Variants in CDH13 observed in about 807,000 individuals in gnomAD.
The protein encoded by CDH13 is cadherin-13.
Under a neutral mutation model 63.8 loss-of-function variants are expected in CDH13, and 24 were observed. The ratio of observed to expected loss-of-function variants is 0.38; its 90% CI spans 0.27 to 0.53. CDH13 has a LOEUF of 0.53. Ranked by LOEUF, CDH13 falls within the 20% of genes least tolerant of loss-of-function variation. The pLI, the probability that CDH13 is intolerant of heterozygous loss-of-function variation, is 0.85. For missense variants in CDH13, 1,049 were observed against 903.1 expected (o/e 1.16, Z -2.07); for synonymous variants, 503 against 355.3 (o/e 1.42, Z -4.67).
intron 7 of CDH13, among the ~76,000 whole-genome samples, chr16:83,585,938 A>G (rs1287776518): frequency 1.3e-5 from 2 of 152,198 alleles, no homozygotes; most frequent in African/African-American, 4.8e-5. Context: ...TTTCTATCCC[A>G]GTGCCACCAC....
At chr16:82,678,025 G>A (rs1250605328) in intron 1 of CDH13, among the ~76,000 whole-genome samples, 1 of 152,112 alleles carries the variant, frequency 6.6e-6, no homozygotes, top group Non-Finnish European at 1.5e-5. Flanking sequence ...GGTCAGAATA[G>A]TAAGAAGCAT....
chr16:83,006,408 C>A (rs1913499235), intron 2 of CDH13, among the ~76,000 whole-genome samples: 1 of 152,182 alleles, frequency 6.6e-6, no homozygotes, highest in Admixed American at 6.5e-5. Context: ...AACTTACTTT[C>A]CCCCAGAATA....
intron 1 of CDH13, among the ~76,000 whole-genome samples, chr16:82,730,152 A>T (rs1597423987): frequency 6.6e-6 from 1 of 152,166 alleles, no homozygotes; most frequent in African/African-American, 2.4e-5. Context: ...TTTTCACTGG[A>T]ATGGCACTTT....
intron 2 of CDH13, among the ~76,000 whole-genome samples, chr16:82,876,800 C>T (rs779035597): frequency 4.6e-5 from 7 of 152,174 alleles, no homozygotes; most frequent in Non-Finnish European, 1.0e-4. Flanking sequence ...AAACTAGGGA[C>T]TGTAAACAAA....
At chr16:83,029,350 A>T (rs1916095594) in intron 2 of CDH13, among the ~76,000 whole-genome samples, 1 of 152,226 alleles carries the variant, frequency 6.6e-6, no homozygotes, top group African/African-American at 2.4e-5. Context: ...TTACCAAAAG[A>T]TGTACACAAG....
chr16:83,572,175 G>GGT (rs71148844), intron 7 of CDH13, among the ~76,000 whole-genome samples: 17,732 of 145,522 alleles, frequency 0.12, 1,103 homozygotes, highest in Admixed American at 0.19. Flanking sequence ...ACTTTCCTGT[G>GGT]GTGTGTGTGT....
chr16:82,974,379 C>T (rs951012686), intron 2 of CDH13, among the ~76,000 whole-genome samples: 2 of 152,108 alleles, frequency 1.3e-5, no homozygotes, highest in Non-Finnish European at 2.9e-5. Context: ...TCTCTGGTTC[C>T]CAACACCCTG....
chr16:83,727,804 A>C (rs966657110), intron 10 of CDH13, among the ~76,000 whole-genome samples: 2 of 152,102 alleles, frequency 1.3e-5, no homozygotes, highest in Non-Finnish European at 2.9e-5. Flanking sequence ...CTGGCTGACA[A>C]CTTTGCTCAC....
intron 2 of CDH13, among the ~76,000 whole-genome samples, chr16:82,883,121 T>C (rs992750227): frequency 6.6e-6 from 1 of 152,196 alleles, no homozygotes; most frequent in African/African-American, 2.4e-5. Context: ...TTTCACACCA[T>C]TAAATTCAGA....
intron 5 of CDH13, among the ~76,000 whole-genome samples, chr16:83,284,781 A>G (rs2089267301): frequency 6.6e-6 from 1 of 152,158 alleles, no homozygotes; most frequent in African/African-American, 2.4e-5. Context: ...TTAATATAAT[A>G]CAAAATACTA....
Position 83,471,382 on chromosome 16 carries a change from C to T in CDH13, c.782-15095C>T, listed in dbSNP as rs796207108. On this transcript the variant is annotated intron_variant, in intron 6 of 13. Coordinates refer to ENST00000567109, the MANE Select transcript of CDH13 (RefSeq NM_001257.5). ...CTCCACCCTCCGGGTTCAAATGATTCTCCTTCCTCAGCCTCCTGAGTAGCT... is the reference window on the plus strand; with the variant it reads ...CTCCACCCTCCGGGTTCAAATGATTTTCCTTCCTCAGCCTCCTGAGTAGCT... Among the ~76,000 whole-genome samples, 16 of 146,832 alleles carry T rather than the reference C, an allele frequency of 1.1e-4. 1 individual carries two copies. Among genetic ancestry groups the T allele is most frequent in the African/African-American group, 3.8e-4 (15 of 39,808 alleles).
chr16:83,293,170 C>A (rs999485140), intron 5 of CDH13, among the ~76,000 whole-genome samples: 1 of 152,092 alleles, frequency 6.6e-6, no homozygotes, highest in Admixed American at 6.6e-5. Context: ...CTTTTATGAG[C>A]GGTCTTTGCA....
chr16:82,757,527 C>G (rs552291602), intron 1 of CDH13, among the ~76,000 whole-genome samples: 1 of 152,196 alleles, frequency 6.6e-6, no homozygotes, highest in Non-Finnish European at 1.5e-5. Flanking sequence ...CAGAGGGCTT[C>G]CGGAACACCT....
intron 2 of CDH13, among the ~76,000 whole-genome samples, chr16:82,986,064 G>A (rs1007198378): frequency 2.0e-5 from 3 of 152,120 alleles, no homozygotes; most frequent in African/African-American, 7.2e-5. Context: ...CCTGTCTCAC[G>A]TACTTCTATA....
At position 82,695,645 on chromosome 16, in the gene CDH13, G is replaced by C. The variant is rs142795042; in HGVS notation, c.45+68508G>C. On this transcript the variant is annotated intron_variant, in intron 1 of 13. Coordinates refer to ENST00000567109, the MANE Select transcript of CDH13 (RefSeq NM_001257.5). ...CCTATCAGTTTTTTAGGGACAGAAA[G>C]CTACTGTGCTGACCTCAGTCAAAGC... is the stretch of plus-strand genomic sequence containing the variant. 7.2e-3 allele frequency among the ~76,000 whole-genome samples: 1,094 copies of C among 152,278 alleles called. 13 individuals are homozygous for C. The highest frequency in any genetic ancestry group is 0.012 in the Non-Finnish European group (798 of 68,012).
At chr16:83,179,737 C>T (rs924446735) in intron 4 of CDH13, among the ~76,000 whole-genome samples, 1 of 152,042 alleles carries the variant, frequency 6.6e-6, no homozygotes, top group Non-Finnish European at 1.5e-5. Context: ...GAATTCGTCT[C>T]CCCAGATTTC....
chr16:82,774,146 T>C (rs969729699), intron 1 of CDH13, among the ~76,000 whole-genome samples: 1 of 152,132 alleles, frequency 6.6e-6, no homozygotes, highest in African/African-American at 2.4e-5. Flanking sequence ...AAAAATGTGC[T>C]TCCCTAATTG....
At chr16:83,450,906 G>A (rs1020281024) in intron 6 of CDH13, among the ~76,000 whole-genome samples, 6 of 152,124 alleles carry the variant, frequency 3.9e-5, no homozygotes, top group East Asian at 3.9e-4. Context: ...AGTTCATGAT[G>A]TAAAACAGTA....
intron 2 of CDH13, among the ~76,000 whole-genome samples, chr16:82,994,712 C>T (rs1912017658): frequency 1.3e-5 from 2 of 152,334 alleles, no homozygotes; most frequent in Middle Eastern, 3.4e-3. Context: ...TTGATACCTA[C>T]GTTGATAGTA....
Sources: gnomAD v4.1 joint callset for allele counts (sites outside exome capture counted in the v4.1 genomes callset) on GRCh38, gnomAD v4.1.1 for gene constraint, MANE v1.5 for transcripts, NCBI Gene and HGNC (gene_info 2026-07-23, HGNC 2026-07-21) for gene names.